TRPC4: variants seen among roughly 807,000 people sequenced by gnomAD.
The protein encoded by TRPC4 is short transient receptor potential channel 4.
A neutral mutation model predicts 99.4 loss-of-function variants in TRPC4; 49 were observed. That is an observed-to-expected ratio of 0.49 (90% confidence interval 0.39 to 0.63). The LOEUF (loss-of-function observed/expected upper bound fraction) is 0.63, where lower values mean the gene tolerates loss of function less well. Ranked by LOEUF, TRPC4 falls within the 20% of genes least tolerant of loss-of-function variation. The pLI is 0.00. For missense variants in TRPC4, 898 were observed against 1,152.9 expected (o/e 0.78, Z 3.20); for synonymous variants, 454 against 425.9 (o/e 1.07, Z -0.81).
intron 3 of TRPC4, among the ~76,000 whole-genome samples, chr13:37,701,798 A>T (rs183447770): frequency 1.3e-3 from 193 of 152,272 alleles, no homozygotes; most frequent in Non-Finnish European, 1.4e-3. Flanking sequence ...TTCTGACCCA[A>T]GGTACTGCTA....
intron 7 of TRPC4, among the ~76,000 whole-genome samples, chr13:37,652,665 T>G: frequency 1.9e-3 from 1 of 534 alleles, no homozygotes; most frequent in East Asian, 0.071. Context: ...TGGCTGATTA[T>G]GCTGCATTGG....
intron 1 of TRPC4, among the ~76,000 whole-genome samples, chr13:37,842,801 T>G (rs1339986558): frequency 6.6e-6 from 1 of 152,216 alleles, no homozygotes; most frequent in Non-Finnish European, 1.5e-5. Flanking sequence ...GAGGGAAATA[T>G]TCAGGTCATA....
chr13:37,806,045 A>C (rs1345432158), intron 1 of TRPC4, among the ~76,000 whole-genome samples: 3 of 152,040 alleles, frequency 2.0e-5, no homozygotes, highest in Admixed American at 2.0e-4. Flanking sequence ...AGTTCATAGC[A>C]TAACATTGGG....
intron 3 of TRPC4, among the ~76,000 whole-genome samples, chr13:37,706,292 C>T (rs1016206108): frequency 5.3e-5 from 8 of 152,100 alleles, no homozygotes; most frequent in Non-Finnish European, 1.0e-4. Flanking sequence ...TCAGTAACCT[C>T]AACAACAAGG....
intron 1 of TRPC4, among the ~76,000 whole-genome samples, chr13:37,842,631 G>C (rs573637778): frequency 6.6e-6 from 1 of 152,202 alleles, no homozygotes; most frequent in East Asian, 1.9e-4. Context: ...CCTTCTTGCT[G>C]TGTTCCCACA....
intron 3 of TRPC4, among the ~76,000 whole-genome samples, chr13:37,713,193 G>A (rs748298883): frequency 6.6e-6 from 1 of 152,108 alleles, no homozygotes; most frequent in Non-Finnish European, 1.5e-5. Flanking sequence ...GGCCTTCCTG[G>A]GTGAGGGAGA....
rs550880741 is a variant in TRPC4, at chr13:37,783,240, A to T, written c.94T>A (p.Ser32Thr). The T allele has an allele frequency of 6.2e-7, 1 of 1,613,628 alleles. No individual in the cohort carries two copies. The highest frequency in any genetic ancestry group is 1.7e-5 in the Admixed American group (1 of 59,924). Reference protein sequence around the residue: ...IVRAESELSPSEKAYLNAVEK... With the variant: ...IVRAESELSPTEKAYLNAVEK... ...ACAGCATTCAAGTAGGCTTTTTCTGATGGCGAGAGTTCTGATTCTGCTCTT... is the reference window on the plus strand; with the variant it reads ...ACAGCATTCAAGTAGGCTTTTTCTGTTGGCGAGAGTTCTGATTCTGCTCTT... Residue 32 changes from serine (S) to threonine (T), a missense_variant, in exon 2 of 11, where the codon TCA becomes ACA. Physicochemically the swap from Ser to Thr is moderately conservative, Grantham distance 58. Coordinates refer to ENST00000379705, the MANE Select transcript of TRPC4 (RefSeq NM_016179.4).
intron 8 of TRPC4, among the ~76,000 whole-genome samples, chr13:37,647,090 G>A (rs1392086129): frequency 1.3e-5 from 2 of 152,162 alleles, no homozygotes; most frequent in Non-Finnish European, 2.9e-5. Context: ...GTATTACTGG[G>A]AAGCCATAAA....
chr13:37,721,321 A>G (rs932788140), intron 3 of TRPC4, among the ~76,000 whole-genome samples: 8 of 152,192 alleles, frequency 5.3e-5, no homozygotes, highest in African/African-American at 1.9e-4. Flanking sequence ...ACACTTGTCC[A>G]GTAAGTCATT....
intron 1 of TRPC4, among the ~76,000 whole-genome samples, chr13:37,784,779 C>G (rs1956929636): frequency 6.6e-6 from 1 of 151,916 alleles, no homozygotes; most frequent in Admixed American, 6.6e-5. Flanking sequence ...GGAAATTTTA[C>G]ATTGTTTGCA....
rs1566057711 is a variant in TRPC4, at chr13:37,637,251, G to A, written c.2586C>T (p.Asn862=). 1 of 1,613,848 alleles carries A rather than the reference G, an allele frequency of 6.2e-7. No homozygotes were observed. The highest frequency in any genetic ancestry group is 8.5e-7 in the Non-Finnish European group (1 of 1,179,858). Residue 862 remains asparagine, a synonymous_variant, in exon 11 of 11, where the codon AAC becomes AAT. Coordinates refer to ENST00000379705, the MANE Select transcript of TRPC4 (RefSeq NM_016179.4). ...SKQNAAEQNA[N]QIFSVSEEVA... Reference sequence around the variant, plus strand: ...CTTCTTCTGAAACAGAGAAGATTTGGTTTGCATTTTGCTCAGCAGCATTTT... The same window carrying A: ...CTTCTTCTGAAACAGAGAAGATTTGATTTGCATTTTGCTCAGCAGCATTTT...
intron 2 of TRPC4, among the ~76,000 whole-genome samples, chr13:37,781,748 CAA>C: frequency 6.6e-6 from 1 of 152,126 alleles, no homozygotes; most frequent in Non-Finnish European, 1.5e-5. Context: ...GCTGTTTTAT[CAA>C]AGTCTTAGTT....
At chr13:37,676,593 G>T (rs1273453946) in intron 4 of TRPC4, among the ~76,000 whole-genome samples, 2 of 151,902 alleles carry the variant, frequency 1.3e-5, no homozygotes, top group Non-Finnish European at 2.9e-5. Context: ...GGATGGTCTC[G>T]ATCTCCTAAC....
intron 1 of TRPC4, among the ~76,000 whole-genome samples, chr13:37,823,514 T>C (rs901297500): frequency 1.0e-3 from 152 of 151,156 alleles, no homozygotes; most frequent in Non-Finnish European, 1.7e-3. Flanking sequence ...CCCAGCACCA[T>C]TTATTAAATA....
At chr13:37,864,654 GT>G (rs1181442060) in intron 1 of TRPC4, among the ~76,000 whole-genome samples, 1 of 151,578 alleles carries the variant, frequency 6.6e-6, no homozygotes, top group Non-Finnish European at 1.5e-5. Context: ...TCTTTAAAAA[GT>G]TTACTGTCTA....
chr13:37,642,287 C>T (rs1420099160), intron 8 of TRPC4, among the ~76,000 whole-genome samples: 1 of 152,092 alleles, frequency 6.6e-6, no homozygotes, highest in Non-Finnish European at 1.5e-5. Context: ...ATGAGACAGC[C>T]ATATGTGAGC....
intron 1 of TRPC4, among the ~76,000 whole-genome samples, chr13:37,862,870 T>C (rs1408819750): frequency 6.6e-6 from 1 of 151,386 alleles, no homozygotes; most frequent in Non-Finnish European, 1.5e-5. Context: ...AAATACACAG[T>C]CACGCATCAC....
intron 1 of TRPC4, among the ~76,000 whole-genome samples, chr13:37,859,895 C>T (rs1343357631): frequency 2.0e-5 from 3 of 151,148 alleles, no homozygotes; most frequent in Non-Finnish European, 4.5e-5. Context: ...ATCATCTATC[C>T]AGCTCAGGCT....
intron 8 of TRPC4, 58 bp from the exon 9 acceptor site, chr13:37,639,357 ATAAT>A (rs1951643017): frequency 5.3e-6 from 8 of 1,510,110 alleles, no homozygotes; most frequent in Middle Eastern, 2.0e-4. Context: ...ATTCTAAAAA[ATAAT>A]TTATTTTTTT....
Sources: gnomAD v4.1 joint callset for allele counts (sites outside exome capture counted in the v4.1 genomes callset) on GRCh38, gnomAD v4.1.1 for gene constraint, MANE v1.5 for transcripts, NCBI Gene and HGNC (gene_info 2026-07-23, HGNC 2026-07-21) for gene names.